Variants in ANKS1A observed in about 807,000 individuals in gnomAD.
ANKS1A encodes the protein ankyrin repeat and sterile alpha motif domain containing 1A.
Under a neutral mutation model 120.3 loss-of-function variants are expected in ANKS1A, and 55 were observed. That is an observed-to-expected ratio of 0.46 (90% CI 0.37 to 0.57). The LOEUF (loss-of-function observed/expected upper bound fraction) is 0.57. Ranked by LOEUF, ANKS1A falls within the 20% of genes least tolerant of loss-of-function variation. ANKS1A has a pLI of 0.00. For missense variants in ANKS1A, 1,123 were observed against 1,480.3 expected, an observed-to-expected ratio of 0.76 and a Z score of 3.96; for synonymous variants, 590 against 604.7, an observed-to-expected ratio of 0.98 and a Z score of 0.36.
At chr6:35,056,888 G>A (rs1776251375) in intron 12 of ANKS1A, among the ~76,000 whole-genome samples, 1 of 152,044 alleles carries the variant, frequency 6.6e-6, no homozygotes, top group Non-Finnish European at 1.5e-5. Context: ...TGGGTCAGGA[G>A]GGGGCTTTCC....
intron 1 of ANKS1A, among the ~76,000 whole-genome samples, chr6:34,966,219 G>C (rs1770886645): frequency 6.6e-6 from 1 of 152,072 alleles, no homozygotes. Flanking sequence ...CTCTCAAGTA[G>C]AATTTACCAA....
Position 34,889,303 on chromosome 6 carries a change from C to T in ANKS1A, c.-100C>T, listed in dbSNP as rs1361186603. 8.2e-7 allele frequency: 1 copy of T among 1,219,388 alleles called. No individual in the cohort carries two copies. The highest frequency in any genetic ancestry group is 1.0e-6 in the Non-Finnish European group (1 of 979,946). 75.5% of individuals were successfully genotyped at this position (1,219,388 alleles called of 1,614,324 possible). On this transcript the variant is annotated 5_prime_UTR_variant, in exon 1 of 24. Transcript: ENST00000360359. This position sits in a 1 kb window ranked among gnomAD's most constrained non-coding sequence, Gnocchi z 5.5. Reference sequence around the variant, plus strand: ...GCAGGGAGGGGGTGGTGTCCCCAGCCGGTTTGGGGGGTGCGTTGCCCGGAG... The same window carrying T: ...GCAGGGAGGGGGTGGTGTCCCCAGCTGGTTTGGGGGGTGCGTTGCCCGGAG...
chr6:34,973,972 C>T (rs1165942010), intron 3 of ANKS1A, among the ~76,000 whole-genome samples: 1 of 76,696 alleles, frequency 1.3e-5, no homozygotes, highest in African/African-American at 5.1e-5. Flanking sequence ...CTTGCCTTCC[C>T]CTTCCCCTTC....
chr6:35,094,228 T>C (rs1653940702), downstream of ANKS1A, among the ~76,000 whole-genome samples: 1 of 152,194 alleles, frequency 6.6e-6, no homozygotes, highest in Non-Finnish European at 1.5e-5. Flanking sequence ...TCACTTATCA[T>C]ACCAATATCC....
chr6:35,006,852 A>C (rs949898505), intron 10 of ANKS1A, among the ~76,000 whole-genome samples: 10 of 151,846 alleles, frequency 6.6e-5, no homozygotes, highest in African/African-American at 2.4e-4. Context: ...TAAAACTTCA[A>C]AAAAGAATAT....
chr6:35,067,549 C>T (rs1776840151), intron 13 of ANKS1A, among the ~76,000 whole-genome samples: 1 of 152,114 alleles, frequency 6.6e-6, no homozygotes, highest in Non-Finnish European at 1.5e-5. Context: ...GTGCCGTCGC[C>T]ACAGGTGTTG....
intron 1 of ANKS1A, among the ~76,000 whole-genome samples, chr6:34,944,455 C>T (rs1039242976): frequency 3.3e-5 from 5 of 152,092 alleles, no homozygotes; most frequent in Admixed American, 6.5e-5. Context: ...CATTTGAATT[C>T]GATATTGAGT....
At chr6:35,073,253 C>T (rs919400361) in intron 13 of ANKS1A, among the ~76,000 whole-genome samples, 1 of 152,160 alleles carries the variant, frequency 6.6e-6, no homozygotes, top group Non-Finnish European at 1.5e-5. Flanking sequence ...CTTGTTATGC[C>T]CAGAGCTCAG....
At chr6:34,993,351 C>T (rs1303897006) in intron 9 of ANKS1A, among the ~76,000 whole-genome samples, 2 of 152,206 alleles carry the variant, frequency 1.3e-5, no homozygotes, top group Admixed American at 6.5e-5. Flanking sequence ...GGTACCAAGA[C>T]AAGCCGTGGC....
At chr6:35,012,105 T>C (rs1773789950) in intron 10 of ANKS1A, among the ~76,000 whole-genome samples, 1 of 152,184 alleles carries the variant, frequency 6.6e-6, no homozygotes. Flanking sequence ...TGGTAGGGAC[T>C]ATAGAGAGGT....
intron 1 of ANKS1A, among the ~76,000 whole-genome samples, chr6:34,958,214 C>G (rs558544364): frequency 6.6e-6 from 1 of 152,326 alleles, no homozygotes; most frequent in African/African-American, 2.4e-5. Context: ...CACGTCACCA[C>G]AGTCACAAAA....
chr6:34,903,379 T>C (rs1386054334), intron 1 of ANKS1A, among the ~76,000 whole-genome samples: 2 of 152,052 alleles, frequency 1.3e-5, no homozygotes, highest in African/African-American at 4.8e-5. Flanking sequence ...AGGATCTTGC[T>C]CTGTTGCCCA....
intron 1 of ANKS1A, among the ~76,000 whole-genome samples, chr6:34,924,749 C>T (rs997549682): frequency 3.9e-5 from 6 of 152,178 alleles, no homozygotes; most frequent in African/African-American, 1.4e-4. Context: ...TTCCTGATTT[C>T]AGGAGTCCTT....
chr6:35,051,716 G>A (rs770726624), intron 11 of ANKS1A, among the ~76,000 whole-genome samples: 3 of 152,186 alleles, frequency 2.0e-5, no homozygotes, highest in Non-Finnish European at 2.9e-5. Flanking sequence ...AATAGAATGC[G>A]GAGAGGCAAC....
At chr6:35,080,498 C>T (rs1294941508) in intron 16 of ANKS1A, among the ~76,000 whole-genome samples, 5 of 152,296 alleles carry the variant, frequency 3.3e-5, no homozygotes, top group South Asian at 2.1e-4. Flanking sequence ...GGGCCTGCCC[C>T]GCAGGTCTCA....
chr6:34,983,464 C>A, intron 7 of ANKS1A, 39 bp downstream of exon 7: 1 of 1,497,716 alleles, frequency 6.7e-7, no homozygotes, highest in Non-Finnish European at 9.1e-7. Flanking sequence ...GGGTGCTCAG[C>A]TTGAAAAGAG....
chr6:34,999,805 T>TGGCAGAGGCAAGGAAAGACC (rs1402793853), intron 10 of ANKS1A, among the ~76,000 whole-genome samples: 50 of 151,770 alleles, frequency 3.3e-4, no homozygotes, highest in Admixed American at 1.0e-3. Flanking sequence ...CATAAGCGGC[T>TGGCAGAGGCAAGGAAAGACC]GGCAGAGGCA....
rs1163311816 is a variant in ANKS1A, at chr6:34,903,832, A to AT, written c.197+14240dup. Among the ~76,000 whole-genome samples, 4 of 148,550 alleles carry AT rather than the reference A, an allele frequency of 2.7e-5. No individual in the cohort carries two copies. In the East Asian group the frequency reaches 6.2e-4, roughly 23 times the overall value. ...GCCCAGCCCATCTGCCTAATTTTTA[A>AT]TTTTTTTATAGAGGTGGGGTCTTGC... is the stretch of plus-strand genomic sequence containing the variant. On this transcript the variant is annotated intron_variant, in intron 1 of 23. Transcript: ENST00000360359.
chr6:34,895,828 C>T (rs574796344), intron 1 of ANKS1A, among the ~76,000 whole-genome samples: 8 of 124,410 alleles, frequency 6.4e-5, no homozygotes, highest in East Asian at 4.8e-4. Flanking sequence ...CTCTCTCTCT[C>T]GCCCAGGCTG....
Sources: gnomAD v4.1 joint callset for allele counts (sites outside exome capture counted in the v4.1 genomes callset) on GRCh38, gnomAD v4.1.1 for gene constraint, Gnocchi (gnomAD v3.1) non-coding constraint, MANE v1.5 for transcripts, NCBI Gene and HGNC (gene_info 2026-07-23, HGNC 2026-07-21) for gene names.